SGCD: variants seen among roughly 807,000 people sequenced by gnomAD.
SGCD encodes sarcoglycan delta.
In SGCD, 18 loss-of-function variants were observed where a neutral mutation model predicts 36.6. That is an observed-to-expected ratio of 0.49 (90% CI 0.34 to 0.73). The LOEUF (loss-of-function observed/expected upper bound fraction) is 0.73. SGCD is among the 30% of genes least tolerant of loss of function. The probability of loss-of-function intolerance (pLI) is 0.01; values close to 1 mark genes in which losing one functional copy is unlikely to be tolerated. For missense variants in SGCD, 387 were observed against 346.7 expected (o/e 1.12, Z -0.92); for synonymous variants, 133 against 130.6 (o/e 1.02, Z -0.12).
At chr5:156,080,979 C>G (rs1036474643) in intron 1 of SGCD, among the ~76,000 whole-genome samples, 1 of 152,132 alleles carries the variant, frequency 6.6e-6, no homozygotes, top group African/African-American at 2.4e-5. Context: ...TTAGGCCATT[C>G]CTGCATTGCT....
At chr5:155,821,604 T>C in the SGCD span, among the ~76,000 whole-genome samples, 2 of 152,208 alleles carry the variant, frequency 1.3e-5, no homozygotes, top group Non-Finnish European at 2.9e-5. Flanking sequence ...TGAGCTACTG[T>C]GCCTGGCCTG....
At chr5:156,263,616 G>T (rs181568143) in intron 3 of SGCD, among the ~76,000 whole-genome samples, 4 of 151,770 alleles carry the variant, frequency 2.6e-5, no homozygotes, top group Non-Finnish European at 5.9e-5. Flanking sequence ...CCTATTTAAC[G>T]CTGTTTTTGT....
intron 3 of SGCD, among the ~76,000 whole-genome samples, chr5:156,374,701 G>A (rs1770563584): frequency 8.3e-6 from 1 of 120,476 alleles, no homozygotes. Context: ...TTGCTCTGTT[G>A]CCCAGGCTGG....
upstream of SGCD, among the ~76,000 whole-genome samples, chr5:155,866,513 A>G (rs187781093): frequency 6.6e-6 from 1 of 152,330 alleles, no homozygotes; most frequent in African/African-American, 2.4e-5. Flanking sequence ...CACTTTGAGA[A>G]CTGCTGCTGT....
chr5:156,050,609 G>T (rs1759892112), intron 1 of SGCD, among the ~76,000 whole-genome samples: 1 of 146,080 alleles, frequency 6.8e-6, no homozygotes, highest in Non-Finnish European at 1.5e-5. Context: ...AGTTTCCTAT[G>T]GCTGCTGTGG....
rs1346494154 is a variant in SGCD, at chr5:156,406,802, A to ATATATATATATATAT, written c.192+62126_192+62140dup. Among the ~76,000 whole-genome samples the ATATATATATATATAT allele has an allele frequency of 5.4e-5, 4 of 73,912 alleles. No individual in the cohort carries two copies. The South Asian group carries it at 2.4e-3, about 45-fold the overall frequency. The allele number at this position is 73,912 out of a possible 152,430, so 48.5% of individuals were successfully genotyped here. On this transcript the variant is annotated intron_variant, in intron 3 of 8. Transcript: ENST00000337851. ...CTAATAGGAGATTTTATATATATAT[A>ATATATATATATATAT]TATATATATATATATATACACACAC...
chr5:156,646,805 A>G (rs1763242925), intron 6 of SGCD, among the ~76,000 whole-genome samples: 1 of 152,198 alleles, frequency 6.6e-6, no homozygotes, highest in Non-Finnish European at 1.5e-5. Context: ...ATGGCTGCAA[A>G]TTTCGACTGG....
the SGCD span, among the ~76,000 whole-genome samples, chr5:155,728,563 G>A: frequency 6.6e-6 from 1 of 152,202 alleles, no homozygotes; most frequent in Non-Finnish European, 1.5e-5. Flanking sequence ...CGCTACTGGG[G>A]GCTCTAAGCA....
At chr5:156,587,803 G>A (rs1760554930) in intron 4 of SGCD, among the ~76,000 whole-genome samples, 1 of 151,996 alleles carries the variant, frequency 6.6e-6, no homozygotes, top group African/African-American at 2.4e-5. Context: ...CCCAAACTGA[G>A]AATAATCTCA....
chr5:156,084,873 A>G (rs1434718335), intron 1 of SGCD, among the ~76,000 whole-genome samples: 1 of 152,306 alleles, frequency 6.6e-6, no homozygotes, highest in Non-Finnish European at 1.5e-5. Context: ...CCTCTATCCT[A>G]ACTTGCTGTG....
At chr5:156,560,469 T>C (rs922890287) in intron 4 of SGCD, among the ~76,000 whole-genome samples, 6 of 152,166 alleles carry the variant, frequency 3.9e-5, no homozygotes, top group Non-Finnish European at 2.9e-5. Flanking sequence ...AGTGTTGACA[T>C]GAGGTTTCCA....
the SGCD span, among the ~76,000 whole-genome samples, chr5:155,759,019 T>G: frequency 1.3e-5 from 2 of 152,052 alleles, no homozygotes; most frequent in Non-Finnish European, 2.9e-5. Context: ...TTTTTATTTT[T>G]TTTTTAGAGT....
At chr5:156,485,774 A>G (rs1755630097) in intron 3 of SGCD, among the ~76,000 whole-genome samples, 2 of 152,158 alleles carry the variant, frequency 1.3e-5, no homozygotes, top group South Asian at 4.1e-4. Flanking sequence ...TTGTGAGAAC[A>G]CTGAAACTCA....
chr5:155,920,353 G>A (rs965525423), intron 1 of SGCD, among the ~76,000 whole-genome samples: 3 of 152,186 alleles, frequency 2.0e-5, no homozygotes, highest in African/African-American at 7.2e-5. Context: ...GAAGGATGAT[G>A]GTGTGGCTTA....
intron 3 of SGCD, among the ~76,000 whole-genome samples, chr5:156,264,191 A>G (rs796913492): frequency 2.0e-5 from 3 of 152,246 alleles, no homozygotes; most frequent in African/African-American, 4.8e-5. Context: ...ATAGCAAAGA[A>G]TTTTCCAGAA....
Position 156,058,836 on chromosome 5 carries a change from CTG to C in SGCD, c.-281-59038_-281-59037del, listed in dbSNP as rs369270060. Among the ~76,000 whole-genome samples, 102 of 145,588 alleles carry C rather than the reference CTG, an allele frequency of 7.0e-4. 2 individuals carry two copies. The East Asian group carries it at 0.014, about 20-fold the overall frequency. On this transcript the variant is annotated intron_variant, in intron 1 of 9. Coordinates refer to the SGCD transcript ENST00000517913. ...CAAAGTAACCTGGAGAAAGGGGAAACTGTGTAGGAATATAGATGAAACAAGAT... is the reference window on the plus strand; with the variant it reads ...CAAAGTAACCTGGAGAAAGGGGAAACTGTAGGAATATAGATGAAACAAGAT...
chr5:155,960,577 T>G (rs1018030161), intron 1 of SGCD, among the ~76,000 whole-genome samples: 3 of 152,008 alleles, frequency 2.0e-5, no homozygotes, highest in African/African-American at 2.4e-5. Context: ...CCAGATAAAT[T>G]CATATTTAGA....
intron 3 of SGCD, among the ~76,000 whole-genome samples, chr5:156,137,092 C>A (rs898232093): frequency 3.3e-5 from 5 of 152,164 alleles, no homozygotes; most frequent in Non-Finnish European, 7.4e-5. Flanking sequence ...ATGATAGGAG[C>A]ATTTTACCCC....
chr5:156,467,909 T>C (rs1229808847), intron 3 of SGCD, among the ~76,000 whole-genome samples: 2 of 152,220 alleles, frequency 1.3e-5, no homozygotes, highest in African/African-American at 4.8e-5. Flanking sequence ...GAAGTGTATG[T>C]GAACTGTGGT....
Sources: gnomAD v4.1 joint callset for allele counts (sites outside exome capture counted in the v4.1 genomes callset) on GRCh38, gnomAD v4.1.1 for gene constraint, MANE v1.5 for transcripts, NCBI Gene and HGNC (gene_info 2026-07-23, HGNC 2026-07-21) for gene names.